Variants in MYO1D observed in about 807,000 individuals in gnomAD.
MYO1D encodes the protein unconventional myosin-Id.
A neutral mutation model predicts 122.0 loss-of-function variants in MYO1D; 83 were observed. The ratio of observed to expected loss-of-function variants is 0.68; its 90% CI spans 0.57 to 0.82. MYO1D has a LOEUF of 0.82. MYO1D is among the 40% of genes least tolerant of loss of function. The probability of loss-of-function intolerance (pLI) is 0.00; values close to 1 mark genes in which losing one functional copy is unlikely to be tolerated. For missense variants in MYO1D, 1,157 were observed against 1,269.5 expected (o/e 0.91, Z 1.35); for synonymous variants, 464 against 446.9 (o/e 1.04, Z -0.48).
intron 21 of MYO1D, among the ~76,000 whole-genome samples, chr17:32,523,576 C>G (rs898642906): frequency 6.6e-6 from 1 of 152,112 alleles, no homozygotes; most frequent in Admixed American, 6.5e-5. Context: ...CATGACAAAA[C>G]AGTGCCCGAG....
intron 1 of MYO1D, among the ~76,000 whole-genome samples, chr17:32,869,026 T>G (rs547462824): frequency 6.8e-6 from 1 of 147,354 alleles, no homozygotes; most frequent in East Asian, 2.0e-4. Context: ...CTGACCAACA[T>G]AGCAAAACCC....
chr17:32,676,590 C>T (rs894507671), intron 16 of MYO1D, among the ~76,000 whole-genome samples: 3 of 151,954 alleles, frequency 2.0e-5, no homozygotes, highest in African/African-American at 4.8e-5. Context: ...CTTCTAGAGG[C>T]GACTCTCCCT....
intron 21 of MYO1D, among the ~76,000 whole-genome samples, chr17:32,572,249 C>A (rs892401482): frequency 6.6e-6 from 1 of 151,932 alleles, no homozygotes; most frequent in Non-Finnish European, 1.5e-5. Context: ...CCACCTCCCA[C>A]CAGCTATACT....
At chr17:32,749,190 A>G (rs1012961457) in intron 11 of MYO1D, among the ~76,000 whole-genome samples, 184 bp from the exon 12 acceptor site, 1 of 152,244 alleles carries the variant, frequency 6.6e-6, no homozygotes, top group East Asian at 1.9e-4. Context: ...CCACACAGCT[A>G]GACTACATTT....
intron 1 of MYO1D, chr17:32,794,240 C>CT (rs1279843847): frequency 6.6e-6 from 1 of 152,170 alleles, no homozygotes; most frequent in Non-Finnish European, 1.5e-5. Flanking sequence ...GATTAAATGA[C>CT]TGACGTTGTG....
chr17:32,601,644 C>A (rs771378266), intron 21 of MYO1D, among the ~76,000 whole-genome samples: 6 of 152,236 alleles, frequency 3.9e-5, no homozygotes, highest in Non-Finnish European at 5.9e-5. Flanking sequence ...ACCTTCTCCT[C>A]TCTAGCTATG....
Position 32,654,504 on chromosome 17 carries a change from C to T in MYO1D, c.2463G>A (p.Arg821=), listed in dbSNP as rs2088446517. ...AAGCAAGATAGTTGCCCTCCCAGGCCCTCTGGAGCCCGAGGTCAGCCCTTT... is the reference window on the plus strand; with the variant it reads ...AAGCAAGATAGTTGCCCTCCCAGGCTCTCTGGAGCCCGAGGTCAGCCCTTT... ...KGQRADLGLQ[R]AWEGNYLASK... is the part of the protein sequence containing the mutation. The change falls in exon 18 of 22, where the codon AGG becomes AGA. Residue 821 remains arginine (R), a synonymous_variant. Coordinates refer to ENST00000318217, the MANE Select transcript of MYO1D (RefSeq NM_015194.3). 1.2e-6 allele frequency: 2 copies of T among 1,613,652 alleles called. No individual in the cohort carries two copies.
At chr17:32,740,237 CAT>C (rs1567618897) in intron 13 of MYO1D, among the ~76,000 whole-genome samples, 1 of 152,156 alleles carries the variant, frequency 6.6e-6, no homozygotes, top group Non-Finnish European at 1.5e-5. Context: ...AATTTCGACA[CAT>C]GTTAAAAGAC....
chr17:32,785,813 T>C (rs561039999), intron 1 of MYO1D, among the ~76,000 whole-genome samples: 1 of 152,186 alleles, frequency 6.6e-6, no homozygotes, highest in Non-Finnish European at 1.5e-5. Flanking sequence ...AATATTCCAG[T>C]TCTCTAGGGT....
At chr17:32,603,918 G>C (rs2087594295) in intron 21 of MYO1D, among the ~76,000 whole-genome samples, 1 of 151,754 alleles carries the variant, frequency 6.6e-6, no homozygotes, top group Non-Finnish European at 1.5e-5. Flanking sequence ...TATTATTTTT[G>C]GTAATTACTT....
chr17:32,494,773 C>T lies in MYO1D; in HGVS notation c.3007G>A (p.Val1003Met), dbSNP rs377477685. The change falls in exon 22 of 22, where the codon GTG (valine) becomes ATG (methionine). Residue 1003 changes from valine (V) to methionine (M), a missense_variant. Physicochemically the swap from Val to Met is conservative, Grantham distance 21. Transcript: ENST00000318217. ...TKNRSGFILS[V>M]PGN ...TCCGCGGGGCGTCAGTTCCCGGGCA[C>T]GCTGAGGATGAAGCCCGAGCGATTC... 7.5e-6 allele frequency: 12 copies of T among 1,606,308 alleles called. No individual in the cohort carries two copies. In the African/African-American group the frequency reaches 9.4e-5, roughly 13 times the overall value.
At chr17:32,656,547 G>C (rs1050857200) in intron 17 of MYO1D, among the ~76,000 whole-genome samples, 2 of 152,210 alleles carry the variant, frequency 1.3e-5, no homozygotes, top group South Asian at 2.1e-4. Flanking sequence ...CCTGCACATG[G>C]AATGGCTGGC....
chr17:32,774,558 G>C (rs553062949), intron 4 of MYO1D, among the ~76,000 whole-genome samples: 1 of 152,258 alleles, frequency 6.6e-6, no homozygotes, highest in African/African-American at 2.4e-5. Flanking sequence ...AAAGTCAGTT[G>C]AGCAAGATCA....
At chr17:32,619,309 T>C (rs538841505) in intron 20 of MYO1D, among the ~76,000 whole-genome samples, 1 of 152,308 alleles carries the variant, frequency 6.6e-6, no homozygotes, top group South Asian at 2.1e-4. Flanking sequence ...TGTTTTGGGC[T>C]TGGGAATGAG....
intron 1 of MYO1D, among the ~76,000 whole-genome samples, chr17:32,861,330 T>C (rs1053898513): frequency 3.3e-5 from 5 of 152,096 alleles, no homozygotes; most frequent in Non-Finnish European, 5.9e-5. Context: ...CCTCCCAAAG[T>C]GCTAGGATTA....
intron 16 of MYO1D, among the ~76,000 whole-genome samples, chr17:32,684,958 C>T (rs547551227): frequency 2.6e-5 from 4 of 152,170 alleles, no homozygotes; most frequent in South Asian, 2.1e-4. Context: ...AATTAAGTTC[C>T]GGCTTCCCTA....
chr17:32,659,361 G>A (rs2050202181), intron 16 of MYO1D, 23 bp from the exon 17 acceptor site: 1 of 1,610,430 alleles, frequency 6.2e-7, no homozygotes, highest in Admixed American at 1.7e-5. Flanking sequence ...GAAAGAAAAA[G>A]GAAAACGTTA....
chr17:32,666,585 C>CA (rs567574794), intron 16 of MYO1D, among the ~76,000 whole-genome samples: 5 of 151,718 alleles, frequency 3.3e-5, no homozygotes, highest in East Asian at 3.9e-4. Context: ...TTAAACTTTG[C>CA]AAAAAAAAGT....
intron 1 of MYO1D, chr17:32,794,085 C>T (rs2090388267): frequency 6.6e-6 from 1 of 152,206 alleles, no homozygotes; most frequent in African/African-American, 2.4e-5. Context: ...CTTCTGCTAG[C>T]ACAGCGAACG....
Sources: gnomAD v4.1 joint callset for allele counts (sites outside exome capture counted in the v4.1 genomes callset) on GRCh38, gnomAD v4.1.1 for gene constraint, MANE v1.5 for transcripts, NCBI Gene and HGNC (gene_info 2026-07-23, HGNC 2026-07-21) for gene names.